The following WNT3 variants were observed in gnomAD, a reference collection of about 807,000 sequenced individuals.
WNT3 encodes the protein proto-oncogene Wnt-3.
In WNT3, 7 loss-of-function variants were observed where a neutral mutation model predicts 34.2. That is an observed-to-expected ratio of 0.20 (90% CI 0.12 to 0.38). The LOEUF is 0.38. Ranked by LOEUF, WNT3 falls within the 10% of genes least tolerant of loss-of-function variation. The probability of loss-of-function intolerance (pLI) is 1.00; values close to 1 mark genes in which losing one functional copy is unlikely to be tolerated. For missense variants in WNT3, 267 were observed against 499.8 expected (o/e 0.53, Z 4.44); for synonymous variants, 212 against 211.5 (o/e 1.00, Z -0.02).
chr17:46,782,046 C>A (rs1378792395), intron 1 of WNT3, among the ~76,000 whole-genome samples: 1 of 152,214 alleles, frequency 6.6e-6, no homozygotes, highest in Non-Finnish European at 1.5e-5. Context: ...ATGGGTGGAG[C>A]TGCAGAAGGT....
chr17:46,788,055 G>A (rs1263666149), intron 1 of WNT3, among the ~76,000 whole-genome samples: 2 of 152,050 alleles, frequency 1.3e-5, no homozygotes, highest in Non-Finnish European at 2.9e-5. Flanking sequence ...AGTCCCACTT[G>A]GGACTTCAAG....
intron 1 of WNT3, among the ~76,000 whole-genome samples, chr17:46,776,188 G>A (rs961777134): frequency 3.9e-5 from 6 of 152,184 alleles, no homozygotes; most frequent in African/African-American, 1.4e-4. Context: ...TGCCTGCTGG[G>A]CAGTGCCTGC....
At chr17:46,772,768 C>G (rs562036675) in intron 2 of WNT3, among the ~76,000 whole-genome samples, 4 of 152,194 alleles carry the variant, frequency 2.6e-5, no homozygotes, top group African/African-American at 7.2e-5. Context: ...AGCTTCCCCC[C>G]CAACCCCACC....
chr17:46,773,322 T>C (rs1225283116), intron 2 of WNT3, among the ~76,000 whole-genome samples: 2 of 152,090 alleles, frequency 1.3e-5, no homozygotes, highest in Non-Finnish European at 2.9e-5. Flanking sequence ...GGCAATGCTC[T>C]CACCCCCACC....
At chr17:46,816,363 C>T (rs1036546556) in intron 1 of WNT3, among the ~76,000 whole-genome samples, 9 of 152,120 alleles carry the variant, frequency 5.9e-5, no homozygotes, top group African/African-American at 2.2e-4. Context: ...CCCCAACACG[C>T]CCACACGATT....
intron 1 of WNT3, among the ~76,000 whole-genome samples, chr17:46,785,389 A>C (rs2059495337): frequency 6.6e-6 from 1 of 152,216 alleles, no homozygotes; most frequent in African/African-American, 2.4e-5. Context: ...ACTGAGTGGA[A>C]GGGGATATCC....
At chr17:46,770,663 C>T (rs1024176458) in intron 2 of WNT3, among the ~76,000 whole-genome samples, 3 of 152,178 alleles carry the variant, frequency 2.0e-5, no homozygotes, top group Admixed American at 6.5e-5. Flanking sequence ...CTCAGTCTCC[C>T]CATCCCCATT....
chr17:46,817,622 A>C (rs1403804130), intron 1 of WNT3, among the ~76,000 whole-genome samples: 1 of 135,188 alleles, frequency 7.4e-6, no homozygotes, highest in Non-Finnish European at 1.6e-5. Context: ...CAGGCCCCCC[A>C]GACACGCACA....
At chr17:46,805,029 G>A (rs1449336811) in intron 1 of WNT3, among the ~76,000 whole-genome samples, 1 of 150,694 alleles carries the variant, frequency 6.6e-6, no homozygotes, top group African/African-American at 2.4e-5. Context: ...CTCACTCTTG[G>A]GGTCCTTAAG....
chr17:46,778,045 A>T (rs1031331675), intron 1 of WNT3, among the ~76,000 whole-genome samples: 3 of 152,208 alleles, frequency 2.0e-5, no homozygotes, highest in African/African-American at 7.2e-5. Context: ...AATAGACACG[A>T]CAGGAGGAAT....
chr17:46,804,752 A>G (rs939908319), intron 1 of WNT3, among the ~76,000 whole-genome samples: 16 of 152,210 alleles, frequency 1.1e-4, no homozygotes, highest in African/African-American at 3.6e-4. Flanking sequence ...TCTGTCTTAC[A>G]AGAGGTTTGT....
intron 4 of WNT3, among the ~76,000 whole-genome samples, chr17:46,765,863 T>A (rs753508141): frequency 3.2e-4 from 48 of 152,206 alleles, no homozygotes; most frequent in Non-Finnish European, 6.2e-4. Context: ...AGTTCACAAA[T>A]GAAGAAGCCA....
intron 1 of WNT3, among the ~76,000 whole-genome samples, chr17:46,810,733 C>A (rs980342426): frequency 2.0e-5 from 3 of 151,978 alleles, no homozygotes; most frequent in Non-Finnish European, 4.4e-5. Context: ...AGCTGGGTGA[C>A]CTGAACGCGG....
intron 1 of WNT3, among the ~76,000 whole-genome samples, chr17:46,809,846 T>C (rs1049472897): frequency 1.3e-5 from 2 of 152,048 alleles, no homozygotes; most frequent in African/African-American, 4.8e-5. Flanking sequence ...TCAGGACCCC[T>C]ACAGGAAGGA....
intron 1 of WNT3, among the ~76,000 whole-genome samples, chr17:46,817,730 C>T (rs1013155750): frequency 6.6e-6 from 1 of 152,086 alleles, no homozygotes; most frequent in African/African-American, 2.4e-5. Context: ...TTCCCTCTCC[C>T]TTTCTCCTCG....
rs1035002291 is a variant in WNT3 at position 46,771,634 on chromosome 17, CGGCCGCCGGGCCCG to C, written c.323-1600_323-1587del. Among the ~76,000 whole-genome samples the C allele has an allele frequency of 5.6e-4, 81 of 145,794 alleles. 1 individual carries two copies. The East Asian group carries it at 9.1e-3, about 16-fold the overall frequency. Reference sequence around the variant, plus strand: ...GTCACACCGCATTACCCGCATAATGCGGCCGCCGGGCCCGGGCCGCCGGGCCGGCCGCCACCGCG... The same window carrying C: ...GTCACACCGCATTACCCGCATAATGCGGCCGCCGGGCCGGCCGCCACCGCG... On this transcript the variant is annotated intron_variant, in intron 2 of 4. Coordinates refer to ENST00000225512, the MANE Select transcript of WNT3 (RefSeq NM_030753.5).
At chr17:46,784,194 A>G (rs986157877) in intron 1 of WNT3, among the ~76,000 whole-genome samples, 4 of 152,100 alleles carry the variant, frequency 2.6e-5, no homozygotes, top group African/African-American at 9.7e-5. Context: ...GTCCCATGAG[A>G]AACAGGAGGA....
chr17:46,785,391 G>C (rs1401706340), intron 1 of WNT3, among the ~76,000 whole-genome samples: 6 of 152,196 alleles, frequency 3.9e-5, no homozygotes, highest in Admixed American at 3.9e-4. Context: ...TGAGTGGAAG[G>C]GGATATCCCA....
intron 1 of WNT3, among the ~76,000 whole-genome samples, chr17:46,803,966 G>A (rs953784151): frequency 1.6e-4 from 25 of 152,180 alleles, no homozygotes; most frequent in African/African-American, 5.8e-4. Context: ...CAGGTAAAGC[G>A]TGTTTTCCCT....
Sources: gnomAD v4.1 joint callset for allele counts (sites outside exome capture counted in the v4.1 genomes callset) on GRCh38, gnomAD v4.1.1 for gene constraint, MANE v1.5 for transcripts, NCBI Gene and HGNC (gene_info 2026-07-23, HGNC 2026-07-21) for gene names.